PARD3: variants seen among roughly 807,000 people sequenced by gnomAD.
PARD3 encodes the protein partitioning defective 3 homolog.
In PARD3, 75 loss-of-function variants were observed where a neutral mutation model predicts 155.4. That is an observed-to-expected ratio of 0.48 (90% CI 0.40 to 0.58). The LOEUF is 0.58. Ranked by LOEUF, PARD3 falls within the 20% of genes least tolerant of loss-of-function variation. The pLI is 0.00. For synonymous variants in PARD3, 576 were observed against 610.5 expected (o/e 0.94, Z 0.83); for missense variants, 1,642 against 1,721.7 (o/e 0.95, Z 0.82).
At chr10:34,814,746 G>A (rs1564647104) in intron 1 of PARD3, 130 bp downstream of exon 1, 11 of 785,432 alleles carry the variant, frequency 1.4e-5, no homozygotes, top group Non-Finnish European at 2.1e-5. Context: ...GCGCCCGCGA[G>A]GCCCGACCGG....
rs927462505 is a variant in PARD3, at chr10:34,416,618, C to G, written c.715-14701G>C. On this transcript the variant is annotated intron_variant, in intron 5 of 24. Coordinates refer to ENST00000374788, the MANE Select transcript of PARD3 (RefSeq NM_001184785.2). ...CTAGTGTTTAGTTGTCCAGAATGCG[C>G]TGGATTACTAAGAGAACAACCTGAT... is the stretch of plus-strand genomic sequence containing the variant. Among the ~76,000 whole-genome samples, 6 of 152,100 alleles carry G rather than the reference C, an allele frequency of 3.9e-5. No homozygotes were observed. The East Asian group carries it at 1.2e-3, about 29-fold the overall frequency.
intron 1 of PARD3, among the ~76,000 whole-genome samples, chr10:34,725,093 T>C (rs2094678210): frequency 6.7e-6 from 1 of 149,766 alleles, no homozygotes; most frequent in African/African-American, 2.5e-5. Context: ...AAGGATTGAA[T>C]GAGTCAAAAC....
intron 4 of PARD3, among the ~76,000 whole-genome samples, chr10:34,450,862 C>T (rs2077018473): frequency 1.3e-5 from 2 of 152,136 alleles, no homozygotes; most frequent in Non-Finnish European, 1.5e-5. Context: ...CTTAATTCAT[C>T]AGAAATGCTA....
At chr10:34,230,251 G>A (rs1352672883) in intron 22 of PARD3, among the ~76,000 whole-genome samples, 1 of 152,018 alleles carries the variant, frequency 6.6e-6, no homozygotes, top group Non-Finnish European at 1.5e-5. Context: ...TCAACATGTG[G>A]ATTTCCTGAG....
At chr10:34,758,051 G>A (rs982925557) in intron 1 of PARD3, among the ~76,000 whole-genome samples, 1 of 152,172 alleles carries the variant, frequency 6.6e-6, no homozygotes, top group Non-Finnish European at 1.5e-5. Flanking sequence ...TGACCCCTTT[G>A]CAAGCACTCA....
At chr10:34,190,024 T>A (rs1416227865) in intron 22 of PARD3, among the ~76,000 whole-genome samples, 1 of 152,158 alleles carries the variant, frequency 6.6e-6, no homozygotes, top group African/African-American at 2.4e-5. Context: ...AACTCAGTGG[T>A]CTCACATTTT....
At chr10:34,630,889 A>T (rs1210874379) in intron 2 of PARD3, among the ~76,000 whole-genome samples, 3 of 151,536 alleles carry the variant, frequency 2.0e-5, no homozygotes, top group African/African-American at 7.3e-5. Flanking sequence ...ATCATATTTC[A>T]CTACAGCCTC....
At chr10:34,472,985 C>A (rs1284602633) in intron 3 of PARD3, among the ~76,000 whole-genome samples, 1 of 152,220 alleles carries the variant, frequency 6.6e-6, no homozygotes, top group Non-Finnish European at 1.5e-5. Flanking sequence ...TCTCTATATA[C>A]CTGTAGCTCT....
chr10:34,477,328 T>C (rs763447964), intron 3 of PARD3, among the ~76,000 whole-genome samples: 69 of 152,186 alleles, frequency 4.5e-4, no homozygotes, highest in Non-Finnish European at 7.8e-4. Context: ...CTCTGAAATA[T>C]TAAAAAGAAA....
At chr10:34,241,678 G>A (rs1953606278) in intron 22 of PARD3, among the ~76,000 whole-genome samples, 3 of 152,122 alleles carry the variant, frequency 2.0e-5, no homozygotes, top group Admixed American at 2.0e-4. Context: ...CTGCACAGTG[G>A]CCACAGATGC....
intron 21 of PARD3, among the ~76,000 whole-genome samples, chr10:34,280,075 T>C (rs1956088687): frequency 1.3e-5 from 2 of 152,194 alleles, no homozygotes; most frequent in Admixed American, 1.3e-4. Flanking sequence ...AAACCTCATT[T>C]AATAGAATGA....
chr10:34,451,528 A>G (rs2077056884), intron 4 of PARD3, among the ~76,000 whole-genome samples: 1 of 152,188 alleles, frequency 6.6e-6, no homozygotes, highest in Non-Finnish European at 1.5e-5. Flanking sequence ...TGCAATGTAT[A>G]AAACTTAGTT....
chr10:34,518,231 T>G (rs2081914098), intron 2 of PARD3, among the ~76,000 whole-genome samples: 1 of 152,070 alleles, frequency 6.6e-6, no homozygotes, highest in Non-Finnish European at 1.5e-5. Flanking sequence ...GACAAATGGG[T>G]AAGTATATCA....
chr10:34,229,668 G>GTA (rs1464803586), intron 22 of PARD3, among the ~76,000 whole-genome samples: 1 of 147,060 alleles, frequency 6.8e-6, no homozygotes. Context: ...GTGCGTGTGT[G>GTA]TGTGTGTGTG....
At chr10:34,723,747 A>T (rs969382047) in intron 1 of PARD3, among the ~76,000 whole-genome samples, 1 of 152,232 alleles carries the variant, frequency 6.6e-6, no homozygotes, top group African/African-American at 2.4e-5. Context: ...ACTGTGTTTT[A>T]AAATATGCTC....
chr10:34,574,023 G>C (rs551425399), intron 2 of PARD3, among the ~76,000 whole-genome samples: 15 of 152,070 alleles, frequency 9.9e-5, no homozygotes, highest in Non-Finnish European at 2.1e-4. Context: ...GAGCAAATTA[G>C]CCTATAATAC....
chr10:34,506,910 T>A (rs1350608003), intron 3 of PARD3, among the ~76,000 whole-genome samples: 1 of 152,232 alleles, frequency 6.6e-6, no homozygotes, highest in African/African-American at 2.4e-5. Flanking sequence ...CACAAGTTGA[T>A]TCACAGTGCT....
At chr10:34,478,771 G>C (rs965770932) in intron 3 of PARD3, among the ~76,000 whole-genome samples, 3 of 152,098 alleles carry the variant, frequency 2.0e-5, no homozygotes, top group Non-Finnish European at 4.4e-5. Context: ...TCAAACTCCC[G>C]ACCTCAGGTG....
At chr10:34,702,078 T>C (rs930860056) in intron 1 of PARD3, among the ~76,000 whole-genome samples, 2 of 151,918 alleles carry the variant, frequency 1.3e-5, no homozygotes, top group African/African-American at 2.4e-5. Flanking sequence ...GGCAGGAGAA[T>C]CGCTTGAACC....
Sources: allele counts gnomAD v4.1 joint callset (sites outside exome capture counted in the v4.1 genomes callset), GRCh38; gene constraint gnomAD v4.1.1; transcripts MANE v1.5; gene names NCBI Gene and HGNC (gene_info 2026-07-23, HGNC 2026-07-21).